The following NXPE2 variants were observed in gnomAD, a reference collection of about 807,000 sequenced individuals.
NXPE2 encodes the protein NXPE family member 2.
NXPE2 carries 34 observed loss-of-function variants against 34.4 expected under a neutral mutation model. The observed-to-expected ratio is 0.99, with a 90% CI of 0.75 to 1.31. The LOEUF (loss-of-function observed/expected upper bound fraction) is 1.31. Among genes scored for constraint, NXPE2 ranks in the 40% most tolerant of loss-of-function variants. The pLI, the probability that NXPE2 is intolerant of heterozygous loss-of-function variation, is 0.00. For missense variants in NXPE2, 649 were observed against 672.5 expected (o/e 0.97, Z 0.39); for synonymous variants, 235 against 231.3 (o/e 1.02, Z -0.15).
chr11:114,693,778 A>C (rs1436627589), intron 2 of NXPE2, among the ~76,000 whole-genome samples: 1 of 152,254 alleles, frequency 6.6e-6, no homozygotes, highest in Non-Finnish European at 1.5e-5. Flanking sequence ...GAAATCAGGC[A>C]AAACCCTGAG....
chr11:114,558,629 C>T, the NXPE2 span, among the ~76,000 whole-genome samples: 1 of 152,016 alleles, frequency 6.6e-6, no homozygotes, highest in Admixed American at 6.6e-5. Flanking sequence ...GTATTACATT[C>T]GTATATTTTC....
rs971185222 is a variant in NXPE2, at chr11:114,679,751, G to C, written c.121G>C (p.Asp41His). 3 of 1,544,810 alleles carry C rather than the reference G, an allele frequency of 1.9e-6. No individual in the cohort carries two copies. The highest frequency in any genetic ancestry group is 2.6e-6 in the Non-Finnish European group (3 of 1,141,446). The change falls in exon 2 of 6, where the codon GAC (aspartate) becomes CAC (histidine). Residue 41 changes from aspartate (D) to histidine (H), a missense_variant. By Grantham distance (81) the Asp-to-His change is moderately conservative. Coordinates refer to ENST00000389586, the MANE Select transcript of NXPE2 (RefSeq NM_182495.6). ...CTGGATCATTTACTTGGCTTCAAAA[G>C]ACCACACAAAGGTAGGAAGTTTCAT... ...IFWIIYLASK[D>H]HTKFSFNLEN...
the NXPE2 span, among the ~76,000 whole-genome samples, chr11:114,655,418 G>A: frequency 1.3e-5 from 2 of 152,116 alleles, no homozygotes; most frequent in Non-Finnish European, 2.9e-5. Context: ...GTCTTGAAGG[G>A]TATTGCCTAG....
the NXPE2 span, among the ~76,000 whole-genome samples, chr11:114,639,263 C>G: frequency 6.6e-6 from 1 of 152,112 alleles, no homozygotes; most frequent in Admixed American, 6.6e-5. Flanking sequence ...GCATAGGACC[C>G]TCCGAGCCAG....
chr11:114,599,953 C>A, the NXPE2 span, among the ~76,000 whole-genome samples: 4 of 152,066 alleles, frequency 2.6e-5, no homozygotes, highest in African/African-American at 9.6e-5. Context: ...CATATCTATA[C>A]AAGTAAATAA....
At chr11:114,489,702 A>G in the NXPE2 span, among the ~76,000 whole-genome samples, 5 of 152,212 alleles carry the variant, frequency 3.3e-5, no homozygotes, top group East Asian at 3.8e-4. Context: ...TTGATGGGAC[A>G]TATCTCAAAA....
chr11:114,745,491 T>C, the NXPE2 span, among the ~76,000 whole-genome samples: 1 of 152,158 alleles, frequency 6.6e-6, no homozygotes, highest in African/African-American at 2.4e-5. Context: ...TCCAAACACC[T>C]CCTGCCAGGC....
At chr11:114,534,012 T>C in the NXPE2 span, among the ~76,000 whole-genome samples, 2 of 152,126 alleles carry the variant, frequency 1.3e-5, no homozygotes, top group African/African-American at 4.8e-5. Flanking sequence ...GACCCCCAAG[T>C]AGCCTAACTG....
chr11:114,605,533 A>G, the NXPE2 span, among the ~76,000 whole-genome samples: 23 of 151,878 alleles, frequency 1.5e-4, no homozygotes, highest in Admixed American at 4.6e-4. Context: ...TACCCGGTGG[A>G]TAATGTGTTG....
At chr11:114,623,646 T>C in the NXPE2 span, among the ~76,000 whole-genome samples, 5 of 152,010 alleles carry the variant, frequency 3.3e-5, no homozygotes, top group Non-Finnish European at 5.9e-5. Context: ...AGTGTTGCCT[T>C]GTGTGTAACC....
chr11:114,712,164 G>A, the NXPE2 span, among the ~76,000 whole-genome samples: 2 of 152,078 alleles, frequency 1.3e-5, no homozygotes, highest in Admixed American at 6.6e-5. Flanking sequence ...ATCAAGTGAA[G>A]TCCTAAATGT....
chr11:114,464,978 A>G, the NXPE2 span, among the ~76,000 whole-genome samples: 1 of 152,236 alleles, frequency 6.6e-6, no homozygotes, highest in African/African-American at 2.4e-5. Flanking sequence ...CAGGAAATTC[A>G]TATTAAACTA....
At chr11:114,761,471 C>A in the NXPE2 span, among the ~76,000 whole-genome samples, 3 of 152,010 alleles carry the variant, frequency 2.0e-5, no homozygotes, top group Non-Finnish European at 2.9e-5. Flanking sequence ...CTAGGGAAGC[C>A]TGTGTAAGTT....
chr11:114,537,208 G>A, the NXPE2 span, among the ~76,000 whole-genome samples: 2 of 152,028 alleles, frequency 1.3e-5, no homozygotes, highest in East Asian at 1.9e-4. Flanking sequence ...GATGCAGAAA[G>A]GGCCTTTGAC....
chr11:114,702,677 A>G (rs1951387987), intron 3 of NXPE2, among the ~76,000 whole-genome samples: 2 of 152,178 alleles, frequency 1.3e-5, no homozygotes, highest in African/African-American at 4.8e-5. Context: ...CCAAAGTCAC[A>G]TATCCAGTTG....
At chr11:114,536,353 T>G in the NXPE2 span, among the ~76,000 whole-genome samples, 1 of 152,064 alleles carries the variant, frequency 6.6e-6, no homozygotes, top group African/African-American at 2.4e-5. Context: ...ATTGACACCC[T>G]AACATCACAA....
the NXPE2 span, among the ~76,000 whole-genome samples, chr11:114,665,819 A>G: frequency 3.3e-5 from 5 of 152,160 alleles, no homozygotes; most frequent in African/African-American, 1.2e-4. Context: ...CTATCACATT[A>G]CTGTAACTAC....
chr11:114,611,676 C>T, the NXPE2 span, among the ~76,000 whole-genome samples: 28 of 151,966 alleles, frequency 1.8e-4, no homozygotes, highest in East Asian at 3.5e-3. Context: ...CGTGTTGCCT[C>T]GTGGGTAACC....
the NXPE2 span, among the ~76,000 whole-genome samples, chr11:114,507,952 A>G: frequency 4.1e-3 from 628 of 152,250 alleles, 2 homozygotes; most frequent in African/African-American, 0.014. Context: ...AAGTCATACT[A>G]TCCCTGTTTG....
Sources: allele counts gnomAD v4.1 joint callset (sites outside exome capture counted in the v4.1 genomes callset), GRCh38; gene constraint gnomAD v4.1.1; transcripts MANE v1.5; gene names NCBI Gene and HGNC (gene_info 2026-07-23, HGNC 2026-07-21).